Variants in COL24A1 observed in about 807,000 individuals in gnomAD.
COL24A1 encodes the protein collagen type XXIV alpha 1 chain, also known as collagen alpha-1(XXIV) chain.
In COL24A1, 224 loss-of-function variants were observed where a neutral mutation model predicts 253.9. That is an observed-to-expected ratio of 0.88 (90% CI 0.79 to 0.99). The LOEUF (loss-of-function observed/expected upper bound fraction) is 0.99. COL24A1 is among the 50% of genes least tolerant of loss of function. The probability of loss-of-function intolerance (pLI) is 0.00; values close to 1 mark genes in which losing one functional copy is unlikely to be tolerated. For missense variants in COL24A1, 2,131 were observed against 2,068.5 expected, an observed-to-expected ratio of 1.03 and a Z score of -0.59; for synonymous variants, 685 against 673.7, an observed-to-expected ratio of 1.02 and a Z score of -0.26.
chr1:85,848,059 A>C (rs1677335018), intron 38 of COL24A1, among the ~76,000 whole-genome samples: 1 of 152,186 alleles, frequency 6.6e-6, no homozygotes, highest in South Asian at 2.1e-4. Context: ...ATATGTATGT[A>C]AGTATGCATG....
chr1:85,782,192 G>A (rs1669215115), intron 51 of COL24A1, among the ~76,000 whole-genome samples: 1 of 152,136 alleles, frequency 6.6e-6, no homozygotes, highest in South Asian at 2.1e-4. Flanking sequence ...GTTCAAGTGA[G>A]TCTCCTGCTT....
chr1:86,040,204 C>T (rs1385125590), intron 12 of COL24A1, among the ~76,000 whole-genome samples: 1 of 152,072 alleles, frequency 6.6e-6, no homozygotes, highest in Non-Finnish European at 1.5e-5. Context: ...TTGCCATTTG[C>T]CCTCCTAGAG....
intron 24 of COL24A1, among the ~76,000 whole-genome samples, chr1:85,959,042 C>T (rs749901359): frequency 6.6e-6 from 1 of 152,010 alleles, no homozygotes; most frequent in African/African-American, 2.4e-5. Context: ...AATGACTATA[C>T]AAAAAGATTG....
At chr1:85,990,487 C>T (rs996068206) in intron 19 of COL24A1, among the ~76,000 whole-genome samples, 4 of 152,144 alleles carry the variant, frequency 2.6e-5, no homozygotes, top group Admixed American at 6.5e-5. Flanking sequence ...CTAATGCTGC[C>T]GCTGATCTGA....
intron 26 of COL24A1, among the ~76,000 whole-genome samples, chr1:85,909,649 G>A (rs1451662389): frequency 6.6e-6 from 1 of 151,770 alleles, no homozygotes; most frequent in Non-Finnish European, 1.5e-5. Context: ...ACAATCCGAA[G>A]AGAAATCACA....
intron 43 of COL24A1, among the ~76,000 whole-genome samples, chr1:85,825,258 A>G (rs7551155): frequency 0.022 from 3,409 of 152,030 alleles, 128 homozygotes; most frequent in African/African-American, 0.077. Context: ...TGAACTCATC[A>G]TTTTTTATGG....
chr1:86,052,010 A>G lies in COL24A1; in HGVS notation c.1852-1833T>C, dbSNP rs117102563. Among the ~76,000 whole-genome samples the G allele has an allele frequency of 2.5e-3, 375 of 152,264 alleles. 10 individuals carry two copies. The East Asian group carries it at 0.046, about 19-fold the overall frequency. On this transcript the variant is annotated intron_variant, in intron 10 of 59. Transcript: ENST00000370571. ...GACAGATATGTCTGAAGTCTTAAAG[A>G]CAGACTAAAGCTTTGAGGAGAAAAT...
chr1:85,977,496 A>G (rs1692806672), intron 20 of COL24A1, among the ~76,000 whole-genome samples: 1 of 152,220 alleles, frequency 6.6e-6, no homozygotes, highest in African/African-American at 2.4e-5. Context: ...TAGATGAAAA[A>G]TTCTCCAGAG....
At chr1:85,933,087 T>TAAAAAAAAAAAAAAAAAAAGAAAAAA (rs747954578) in intron 24 of COL24A1, among the ~76,000 whole-genome samples, 1 of 123,630 alleles carries the variant, frequency 8.1e-6, no homozygotes, top group Non-Finnish European at 1.6e-5. Context: ...TAGAGTATAA[T>TAAAAAAAAAAAAAAAAAAAGAAAAAA]AAAAAAAAAA....
chr1:86,145,885 G>A (rs999213311), intron 2 of COL24A1, among the ~76,000 whole-genome samples: 2 of 151,900 alleles, frequency 1.3e-5, no homozygotes, highest in African/African-American at 4.8e-5. Context: ...TTTTTATAGA[G>A]TTTGCTTAAA....
intron 7 of COL24A1, among the ~76,000 whole-genome samples, chr1:86,076,175 T>C (rs1311384323): frequency 1.3e-5 from 2 of 152,180 alleles, no homozygotes; most frequent in Non-Finnish European, 2.9e-5. Flanking sequence ...CTCCTTAAGC[T>C]GATAAGCAGC....
chr1:85,824,699 T>C (rs1023963390), intron 43 of COL24A1, among the ~76,000 whole-genome samples: 2 of 152,120 alleles, frequency 1.3e-5, no homozygotes, highest in African/African-American at 2.4e-5. Context: ...AAATAGAAAC[T>C]AGCAACAACC....
chr1:85,882,332 C>T (rs1681946582), intron 32 of COL24A1, among the ~76,000 whole-genome samples: 1 of 152,084 alleles, frequency 6.6e-6, no homozygotes, highest in African/African-American at 2.4e-5. Flanking sequence ...GGCATGGTGG[C>T]GGGCGCCTGT....
chr1:86,026,618 T>C (rs1422072213), intron 14 of COL24A1, among the ~76,000 whole-genome samples: 1 of 152,200 alleles, frequency 6.6e-6, no homozygotes, highest in East Asian at 1.9e-4. Flanking sequence ...GTCAATTAAA[T>C]CTCTTTCCTT....
chr1:86,076,205 A>G (rs1702231520), intron 7 of COL24A1, among the ~76,000 whole-genome samples: 1 of 152,210 alleles, frequency 6.6e-6, no homozygotes, highest in African/African-American at 2.4e-5. Flanking sequence ...GTCTCAGGAT[A>G]CAAAATCACT....
At chr1:85,814,068 G>C (rs1672835117) in intron 47 of COL24A1, among the ~76,000 whole-genome samples, 1 of 152,122 alleles carries the variant, frequency 6.6e-6, no homozygotes, top group Non-Finnish European at 1.5e-5. Flanking sequence ...TGGATTTTGA[G>C]CTTTTTAGCT....
At chr1:85,920,462 A>G (rs1185506393) in intron 24 of COL24A1, among the ~76,000 whole-genome samples, 2 of 152,176 alleles carry the variant, frequency 1.3e-5, no homozygotes, top group Admixed American at 1.3e-4. Flanking sequence ...TATACTATAG[A>G]CGGCTTTGAA....
intron 31 of COL24A1, among the ~76,000 whole-genome samples, chr1:85,891,451 A>G (rs1183239371): frequency 1.3e-5 from 2 of 152,204 alleles, no homozygotes; most frequent in Non-Finnish European, 2.9e-5. Flanking sequence ...AAAAACTAAA[A>G]GGTATAAAAA....
intron 12 of COL24A1, among the ~76,000 whole-genome samples, chr1:86,037,310 CA>C: frequency 6.6e-6 from 1 of 152,284 alleles, no homozygotes; most frequent in South Asian, 2.1e-4. Flanking sequence ...TAACAAATAG[CA>C]TATAGCAAAG....
Sources: allele counts gnomAD v4.1 joint callset (sites outside exome capture counted in the v4.1 genomes callset), GRCh38; gene constraint gnomAD v4.1.1; transcripts MANE v1.5; gene names NCBI Gene and HGNC (gene_info 2026-07-23, HGNC 2026-07-21).